Variants in PLEKHH2 observed in about 807,000 individuals in gnomAD.
The protein encoded by PLEKHH2 is pleckstrin homology domain-containing family H member 2.
In PLEKHH2, 129 loss-of-function variants were observed where a neutral mutation model predicts 187.9. The ratio of observed to expected loss-of-function variants is 0.69; its 90% CI spans 0.59 to 0.79. The LOEUF (loss-of-function observed/expected upper bound fraction) is 0.79. PLEKHH2 is among the 30% of genes least tolerant of loss of function. The pLI, the probability that PLEKHH2 is intolerant of heterozygous loss-of-function variation, is 0.00. For synonymous variants in PLEKHH2, 686 were observed against 605.6 expected (o/e 1.13, Z -1.95); for missense variants, 2,076 against 1,751.2 (o/e 1.19, Z -3.31).
In PLEKHH2 at chr2:43,706,330, G is replaced by A. The variant is rs1275760181; in HGVS notation, c.1735G>A (p.Ala579Thr). ...CTGTTTTTCTGTTTCAGATTCTGCT[G>A]CAACCCTTTCCTATACTACATCAGG... ...NMESVNKNSA[A>T]TLSYTTSGLY... is the part of the protein sequence containing the mutation. The change falls in exon 10 of 30, where the codon GCA becomes ACA. Residue 579 changes from alanine to threonine, a missense_variant. Coordinates refer to ENST00000282406, the MANE Select transcript of PLEKHH2 (RefSeq NM_172069.4). 6.2e-7 allele frequency: 1 copy of A among 1,603,730 alleles called. No individual in the cohort carries two copies. Among genetic ancestry groups the A allele is most frequent in the South Asian group, 1.1e-5 (1 of 90,430 alleles).
chr2:43,695,027 T>G (rs992370315), intron 5 of PLEKHH2, 116 bp from the exon 6 acceptor site: 23 of 460,332 alleles, frequency 5.0e-5, no homozygotes, highest in Admixed American at 1.2e-4. Flanking sequence ...ATTTCCTTTG[T>G]ATTTTGCTTA....
chr2:43,721,884 C>G (rs543011561), intron 16 of PLEKHH2, among the ~76,000 whole-genome samples: 2 of 151,818 alleles, frequency 1.3e-5, no homozygotes, highest in East Asian at 3.9e-4. Flanking sequence ...GAGACCCTGT[C>G]TCAAAATAAA....
At position 43,699,819 on chromosome 2, in the gene PLEKHH2, C is replaced by A. The variant is rs1669264942; in HGVS notation, c.861C>A (p.Ser287Arg). 1.2e-6 allele frequency: 2 copies of A among 1,611,696 alleles called. No homozygotes were observed. Among genetic ancestry groups the A allele is most frequent in the Non-Finnish European group, 1.7e-6 (2 of 1,177,848 alleles). ...CTGGGGCTCCTGTGAGTGACTGGAG[C>A]TCTGATGAGGAAGACGGGAGCAAAG... ...QNSGAPVSDW[S>R]SDEEDGSKGR... Residue 287 changes from serine (S) to arginine (R), a missense_variant, in exon 8 of 30, where the codon AGC (serine) becomes AGA (arginine). Ser to Arg is a moderately radical substitution (Grantham distance 110, BLOSUM62 -1). Coordinates refer to ENST00000282406, the MANE Select transcript of PLEKHH2 (RefSeq NM_172069.4).
Position 43,745,918 on chromosome 2 carries a change from G to A in PLEKHH2, c.3608G>A (p.Gly1203Glu). Residue 1203 changes from glycine (G) to glutamate (E), a missense_variant, in exon 24 of 30, where the codon GGA becomes GAA. Coordinates refer to ENST00000282406, the MANE Select transcript of PLEKHH2 (RefSeq NM_172069.4). ...WEQASKEQQP[G>E]KCEGTRTVRL... ...CAGGCTTCCAAAGAACAGCAGCCTG[G>A]AAAATGTGAAGGTACAAGGACTGTT... is the stretch of plus-strand genomic sequence containing the variant. 6.2e-7 allele frequency: 1 copy of A among 1,612,978 alleles called. No individual in the cohort carries two copies. Among genetic ancestry groups the A allele is most frequent in the Non-Finnish European group, 8.5e-7 (1 of 1,179,360 alleles).
At chr2:43,759,158 A>G (rs1377530559) in intron 27 of PLEKHH2, 129 bp downstream of exon 27, 7 of 1,341,848 alleles carry the variant, frequency 5.2e-6, no homozygotes, top group Non-Finnish European at 6.9e-6. Context: ...AAAGAAAACA[A>G]TGAAGAGACA....
intron 17 of PLEKHH2, among the ~76,000 whole-genome samples, chr2:43,727,307 G>C (rs1670801050): frequency 6.6e-6 from 1 of 151,092 alleles, no homozygotes; most frequent in Admixed American, 6.6e-5. Flanking sequence ...AGCTACTTGG[G>C]AGGCTGAGGC....
At chr2:43,711,063 G>T (rs975010917) in intron 14 of PLEKHH2, 12 of 987,538 alleles carry the variant, frequency 1.2e-5, no homozygotes, top group Non-Finnish European at 1.4e-5. Context: ...AAGTCACACT[G>T]TAGGGGCAGC....
chr2:43,683,270 C>T (rs1040470166), intron 3 of PLEKHH2, among the ~76,000 whole-genome samples: 6 of 151,628 alleles, frequency 4.0e-5, no homozygotes, highest in African/African-American at 7.3e-5. Context: ...CTCAGCCTCC[C>T]GAGTAGCTGG....
At chr2:43,685,941 A>G (rs974554245) in intron 3 of PLEKHH2, among the ~76,000 whole-genome samples, 1 of 152,178 alleles carries the variant, frequency 6.6e-6, no homozygotes. Flanking sequence ...ATGCTGACCA[A>G]CTGGGGTAGA....
chr2:43,746,812 T>C (rs146349727), intron 24 of PLEKHH2, among the ~76,000 whole-genome samples: 12,531 of 151,820 alleles, frequency 0.083, 647 homozygotes, highest in South Asian at 0.14. Flanking sequence ...CTACTAAAAA[T>C]ACAAAAAATT....
chr2:43,760,237 G>A (rs570258284), intron 27 of PLEKHH2, among the ~76,000 whole-genome samples: 3 of 151,948 alleles, frequency 2.0e-5, no homozygotes, highest in South Asian at 2.1e-4. Flanking sequence ...TTCAAATTAC[G>A]TGACAAGCAT....
intron 1 of PLEKHH2, among the ~76,000 whole-genome samples, chr2:43,642,561 G>C (rs1665992713): frequency 6.6e-6 from 1 of 152,170 alleles, no homozygotes; most frequent in Non-Finnish European, 1.5e-5. Context: ...AAAACTGTCA[G>C]TCATTTATCA....
chr2:43,746,159 G>A (rs552245572), intron 24 of PLEKHH2, among the ~76,000 whole-genome samples, 196 bp downstream of exon 24: 47 of 152,266 alleles, frequency 3.1e-4, no homozygotes, highest in African/African-American at 1.1e-3. Context: ...GTCTCTTAAT[G>A]TCATAAAGAA....
chr2:43,724,201 G>A (rs113029818), intron 16 of PLEKHH2, among the ~76,000 whole-genome samples: 6 of 149,408 alleles, frequency 4.0e-5, no homozygotes, highest in African/African-American at 1.5e-4. Flanking sequence ...GAGTTAGTGA[G>A]TCTGGAGTTA....
chr2:43,694,615 G>C, intron 5 of PLEKHH2, 101 bp downstream of exon 5: 1 of 1,272,304 alleles, frequency 7.9e-7, no homozygotes, highest in Non-Finnish European at 1.0e-6. Context: ...AAAGAATTTT[G>C]ATCGGTTGGT....
In PLEKHH2 at chr2:43,764,082, T is replaced by C. The variant is rs898633042; in HGVS notation, c.4159-146T>C. 139 of 469,748 alleles carry C rather than the reference T, an allele frequency of 3.0e-4. No individual in the cohort carries two copies. The East Asian group carries it at 5.1e-3, about 17-fold the overall frequency. The allele number at this position is 469,748 out of a possible 1,614,324, so 29.1% of individuals were successfully genotyped here. ...TACCACTACTATCTATTTTGGATCA[T>C]AATACATTTTATTTTAGAAAATAAT... On this transcript the variant is annotated intron_variant, in intron 28 of 29. Transcript: ENST00000282406.
At position 43,757,137 on chromosome 2, in the gene PLEKHH2, G is replaced by A; in HGVS notation, c.3814G>A (p.Glu1272Lys). 1 of 1,581,204 alleles carries A rather than the reference G, an allele frequency of 6.3e-7. No individual in the cohort carries two copies. Among genetic ancestry groups the A allele is most frequent in the Non-Finnish European group, 8.6e-7 (1 of 1,167,904 alleles). ...LLSQVEIGDFERPFSTPAGHV... is the reference protein window; with the variant it reads ...LLSQVEIGDFKRPFSTPAGHV... ...CAATTAGGTAGAGATTGGAGATTTTGAAAGACCTTTCTCAACTCCAGCAGG... is the reference window on the plus strand; with the variant it reads ...CAATTAGGTAGAGATTGGAGATTTTAAAAGACCTTTCTCAACTCCAGCAGG... Residue 1272 changes from glutamate (E) to lysine (K), a missense_variant, in exon 26 of 30, where the codon GAA (glutamate) becomes AAA (lysine). Coordinates refer to ENST00000282406, the MANE Select transcript of PLEKHH2 (RefSeq NM_172069.4).
At position 43,732,997 on chromosome 2, in the gene PLEKHH2, C is replaced by T. The variant is rs116168693; in HGVS notation, c.2943+1395C>T. Among the ~76,000 whole-genome samples, 850 of 152,270 alleles carry T rather than the reference C, an allele frequency of 5.6e-3. 6 individuals carry two copies. Among genetic ancestry groups the T allele is most frequent in the African/African-American group, 0.019 (795 of 41,554 alleles). On this transcript the variant is annotated intron_variant, in intron 19 of 29. Coordinates refer to ENST00000282406, the MANE Select transcript of PLEKHH2 (RefSeq NM_172069.4). The stretch of plus-strand genomic sequence containing the variant: ...CCCTCAAACTCTCTACTTAAGAATA[C>T]AGCAGAGAAACTTACCTTCTATTTC...
intron 19 of PLEKHH2, among the ~76,000 whole-genome samples, chr2:43,734,181 G>C (rs991862566): frequency 4.6e-5 from 7 of 152,138 alleles, no homozygotes; most frequent in Non-Finnish European, 7.4e-5. Flanking sequence ...CAGATCTACA[G>C]TCATCAACAC....
Sources: allele counts gnomAD v4.1 joint callset (sites outside exome capture counted in the v4.1 genomes callset), GRCh38; gene constraint gnomAD v4.1.1; transcripts MANE v1.5; gene names NCBI Gene and HGNC (gene_info 2026-07-23, HGNC 2026-07-21).